Variants in NOL4 observed in about 807,000 individuals in gnomAD.
NOL4 encodes nucleolar protein 4.
Under a neutral mutation model 75.9 loss-of-function variants are expected in NOL4, and 17 were observed. That is an observed-to-expected ratio of 0.22 (90% CI 0.15 to 0.34). The LOEUF is 0.34. Ranked by LOEUF, NOL4 falls within the 10% of genes least tolerant of loss-of-function variation. The pLI, the probability that NOL4 is intolerant of heterozygous loss-of-function variation, is 1.00. For missense variants in NOL4, 614 were observed against 793.5 expected (o/e 0.77, Z 2.72); for synonymous variants, 292 against 289.9 (o/e 1.01, Z -0.07).
chr18:34,104,009 A>G (rs779188448), intron 4 of NOL4, 38 bp downstream of exon 4: 1 of 1,396,224 alleles, frequency 7.2e-7, no homozygotes, highest in Non-Finnish European at 1.0e-6. Flanking sequence ...CTTCGTTCCA[A>G]TTTGTAAGTA....
At chr18:34,101,839 C>T (rs1368314111) in intron 4 of NOL4, among the ~76,000 whole-genome samples, 1 of 151,954 alleles carries the variant, frequency 6.6e-6, no homozygotes, top group African/African-American at 2.4e-5. Flanking sequence ...GACTTCTCTG[C>T]TCAAAACCTT....
intron 5 of NOL4, among the ~76,000 whole-genome samples, chr18:34,040,323 C>T (rs1277406721): frequency 1.3e-5 from 2 of 151,676 alleles, no homozygotes; most frequent in Non-Finnish European, 2.9e-5. Flanking sequence ...CTATATACTT[C>T]ACATGAATAT....
intron 1 of NOL4, among the ~76,000 whole-genome samples, chr18:34,167,044 C>CAAAAAAAAAAA (rs1174730527): frequency 3.5e-4 from 2 of 5,666 alleles, no homozygotes; most frequent in East Asian, 6.8e-3. Flanking sequence ...GACTCCGTCT[C>CAAAAAAAAAAA]AAAAAAAAAA....
intron 5 of NOL4, among the ~76,000 whole-genome samples, chr18:34,090,405 T>C (rs1304075196): frequency 1.3e-5 from 2 of 152,128 alleles, no homozygotes; most frequent in Non-Finnish European, 2.9e-5. Context: ...TGATAAGTCC[T>C]CTGAAGAATG....
At chr18:34,049,446 G>C (rs2076534732) in intron 5 of NOL4, among the ~76,000 whole-genome samples, 1 of 151,846 alleles carries the variant, frequency 6.6e-6, no homozygotes, top group Admixed American at 6.6e-5. Flanking sequence ...TACTGTAATA[G>C]TTCTGACTAT....
intron 2 of NOL4, among the ~76,000 whole-genome samples, chr18:34,106,080 A>G (rs1037633194): frequency 2.6e-5 from 4 of 152,112 alleles, no homozygotes; most frequent in African/African-American, 9.6e-5. Flanking sequence ...GAAATATAAG[A>G]TAAGCAATAG....
chr18:33,931,646 A>ATTGC (rs563827443), intron 9 of NOL4, among the ~76,000 whole-genome samples: 167 of 151,948 alleles, frequency 1.1e-3, no homozygotes, highest in African/African-American at 4.0e-3. Flanking sequence ...ATTCAGGAGG[A>ATTGC]TTGCTTGTGC....
intron 9 of NOL4, among the ~76,000 whole-genome samples, chr18:33,915,222 G>A (rs1311427847): frequency 2.0e-5 from 3 of 152,106 alleles, no homozygotes; most frequent in Non-Finnish European, 4.4e-5. Context: ...GAAGTCATCA[G>A]TGGACTTTTA....
chr18:33,974,254 C>A (rs2071314980), intron 6 of NOL4, among the ~76,000 whole-genome samples: 1 of 152,152 alleles, frequency 6.6e-6, no homozygotes, highest in African/African-American at 2.4e-5. Context: ...GAAGCTTTCT[C>A]ACCTCTCCCA....
At chr18:34,046,852 G>C (rs1226314924) in intron 5 of NOL4, among the ~76,000 whole-genome samples, 1 of 151,324 alleles carries the variant, frequency 6.6e-6, no homozygotes, top group African/African-American at 2.4e-5. Context: ...TCTCTGGGGA[G>C]GACAAAAGGA....
intron 10 of NOL4, among the ~76,000 whole-genome samples, chr18:33,879,440 G>A (rs1217564482): frequency 1.3e-5 from 2 of 152,030 alleles, no homozygotes; most frequent in Non-Finnish European, 2.9e-5. Flanking sequence ...GGGAGACGAA[G>A]GTGGGCACAT....
intron 1 of NOL4, among the ~76,000 whole-genome samples, chr18:34,143,894 C>A (rs116962592): frequency 0.032 from 4,581 of 141,906 alleles, 83 homozygotes; most frequent in Middle Eastern, 0.053. Flanking sequence ...AAACCTGAAA[C>A]TTCTTTCAGC....
At chr18:34,028,351 A>G (rs185550958) in intron 5 of NOL4, among the ~76,000 whole-genome samples, 1 of 152,346 alleles carries the variant, frequency 6.6e-6, no homozygotes, top group Admixed American at 6.5e-5. Context: ...CATTTCCAGG[A>G]TCCTTATTTA....
chr18:33,934,862 G>T lies in NOL4; in HGVS notation c.1542+8203C>A, dbSNP rs78824846. ...ATTCTTGTGTTCACTGGAGTAGCACGTTTTTTTTTTTTTTTTTTTTGATAC... is the reference window on the plus strand; with the variant it reads ...ATTCTTGTGTTCACTGGAGTAGCACTTTTTTTTTTTTTTTTTTTTTGATAC... On this transcript the variant is annotated intron_variant, in intron 9 of 10. Coordinates refer to ENST00000261592, the MANE Select transcript of NOL4 (RefSeq NM_003787.5). Among the ~76,000 whole-genome samples, 81 of 118,308 alleles carry T rather than the reference G, an allele frequency of 6.8e-4. 1 individual carries two copies. The highest frequency in any genetic ancestry group is 2.6e-3 in the African/African-American group (71 of 27,668). 77.6% of individuals were successfully genotyped at this position (118,308 alleles called of 152,430 possible).
intron 10 of NOL4, among the ~76,000 whole-genome samples, chr18:33,860,382 C>G (rs1053927483): frequency 6.6e-6 from 1 of 152,122 alleles, no homozygotes; most frequent in Non-Finnish European, 1.5e-5. Context: ...AGCATTAACC[C>G]AAAAGTCCAA....
At chr18:34,191,935 C>G (rs973233294) in intron 1 of NOL4, among the ~76,000 whole-genome samples, 1 of 152,098 alleles carries the variant, frequency 6.6e-6, no homozygotes, top group African/African-American at 2.4e-5. Flanking sequence ...TCTCCCCCTA[C>G]ACACACACAT....
At chr18:33,940,837 A>G (rs2068430181) in intron 9 of NOL4, among the ~76,000 whole-genome samples, 1 of 151,974 alleles carries the variant, frequency 6.6e-6, no homozygotes, top group Non-Finnish European at 1.5e-5. Flanking sequence ...AGGAGAGAAT[A>G]TGGAGAGTAG....
intron 6 of NOL4, 85 bp from the exon 7 acceptor site, chr18:33,958,503 TC>T: frequency 2.4e-6 from 3 of 1,260,564 alleles, no homozygotes; most frequent in Middle Eastern, 2.2e-4. Flanking sequence ...TTCAACTGTT[TC>T]TCAAAAATCT....
At chr18:33,916,279 T>C (rs1432227111) in intron 9 of NOL4, among the ~76,000 whole-genome samples, 1 of 152,160 alleles carries the variant, frequency 6.6e-6, no homozygotes, top group Non-Finnish European at 1.5e-5. Flanking sequence ...TCATCTTGCA[T>C]ATTCCAGATA....
Sources: gnomAD v4.1 joint callset for allele counts (sites outside exome capture counted in the v4.1 genomes callset) on GRCh38, gnomAD v4.1.1 for gene constraint, MANE v1.5 for transcripts, NCBI Gene and HGNC (gene_info 2026-07-23, HGNC 2026-07-21) for gene names.